NAPG: variants seen among roughly 807,000 people sequenced by gnomAD.
NAPG encodes NSF attachment protein gamma.
NAPG carries 25 observed loss-of-function variants against 48.4 expected under a neutral mutation model. The ratio of observed to expected loss-of-function variants is 0.52; its 90% CI spans 0.38 to 0.72. The LOEUF is 0.72. NAPG is among the 30% of genes least tolerant of loss of function. The pLI, the probability that NAPG is intolerant of heterozygous loss-of-function variation, is 0.00. For missense variants in NAPG, 359 were observed against 372.5 expected (o/e 0.96, Z 0.30); for synonymous variants, 139 against 127.2 (o/e 1.09, Z -0.62).
At chr18:10,530,924 C>T in intron 2 of NAPG, 87 bp downstream of exon 2, 1 of 1,070,172 alleles carries the variant, frequency 9.3e-7, no homozygotes. Context: ...TACTCATATG[C>T]TTTCTATAAG....
chr18:10,530,847 A>G lies in NAPG; in HGVS notation c.124+10A>G. 6.4e-7 allele frequency: 1 copy of G among 1,558,600 alleles called. No homozygotes were observed. The highest frequency in any genetic ancestry group is 8.7e-7 in the Non-Finnish European group (1 of 1,153,214). Reference sequence around the variant, plus strand: ...GAATATGGAAAAGCAGGTATTTTTGACTATAGTCCAGTTGCTCCAGTATGT... The same window carrying G: ...GAATATGGAAAAGCAGGTATTTTTGGCTATAGTCCAGTTGCTCCAGTATGT... On this transcript the variant is annotated intron_variant, in intron 2 of 11. Transcript: ENST00000322897.
intron 2 of NAPG, among the ~76,000 whole-genome samples, chr18:10,532,300 C>T (rs145814112): frequency 6.6e-6 from 1 of 152,212 alleles, no homozygotes; most frequent in African/African-American, 2.4e-5. Context: ...TGCTTATTGG[C>T]CCTCAGTTTC....
Position 10,544,736 on chromosome 18 carries a change from A to C in NAPG, c.507-1590A>C, listed in dbSNP as rs938515852. On this transcript the variant is annotated intron_variant, in intron 8 of 11. Coordinates refer to ENST00000322897, the MANE Select transcript of NAPG (RefSeq NM_003826.3). The surrounding 1 kb of genome is among the most constrained non-coding windows in gnomAD (Gnocchi z 5.1). ...ACCTACACTTAAAGGGGGATTATAG[A>C]GGAAATGTTTACAAGGGGCAAGAAT... Among the ~76,000 whole-genome samples, 2 of 152,194 alleles carry C rather than the reference A, an allele frequency of 1.3e-5. No individual in the cohort carries two copies. The highest frequency in any genetic ancestry group is 2.9e-5 in the Non-Finnish European group (2 of 68,032).
intron 2 of NAPG, 94 bp downstream of exon 2, chr18:10,530,931 T>A (rs509370): frequency 1.0e-6 from 1 of 992,084 alleles, no homozygotes; most frequent in Non-Finnish European, 1.4e-6. Context: ...ATGCTTTCTA[T>A]AAGGCTTTAA....
chr18:10,527,714 G>A (rs891725548), intron 1 of NAPG, among the ~76,000 whole-genome samples: 1 of 136,562 alleles, frequency 7.3e-6, no homozygotes, highest in African/African-American at 3.6e-5. Flanking sequence ...CCTGTAGTAT[G>A]TATTATACGC....
rs2032172676 is a variant in NAPG at position 10,542,289 on chromosome 18, A to G, written c.506+1890A>G. Among the ~76,000 whole-genome samples the G allele has an allele frequency of 6.6e-6, 1 of 152,238 alleles. No homozygotes were observed. The highest frequency in any genetic ancestry group is 6.5e-5 in the Admixed American group (1 of 15,296). On this transcript the variant is annotated intron_variant, in intron 8 of 11. Coordinates refer to ENST00000322897, the MANE Select transcript of NAPG (RefSeq NM_003826.3). This position sits in a 1 kb window ranked among gnomAD's most constrained non-coding sequence, Gnocchi z 4.5. ...AATGGTACTTTCTACTGTGCTCAACAAAAATGTTATGGAAATATATTTTTG... is the reference window on the plus strand; with the variant it reads ...AATGGTACTTTCTACTGTGCTCAACGAAAATGTTATGGAAATATATTTTTG...
Position 10,548,655 on chromosome 18 carries a change from G to A in NAPG, c.665+277G>A, listed in dbSNP as rs1185032260. ...TAAGAAAAAAAGAACAAGAAAAAGG[G>A]GGAAAAAATTATCAGATTTATGTTA... On this transcript the variant is annotated intron_variant, in intron 10 of 11. Transcript: ENST00000322897. This position sits in a 1 kb window ranked among gnomAD's most constrained non-coding sequence, Gnocchi z 4.4. Among the ~76,000 whole-genome samples the A allele has an allele frequency of 2.0e-5, 3 of 151,498 alleles. No individual in the cohort carries two copies. Among genetic ancestry groups the A allele is most frequent in the African/African-American group, 7.3e-5 (3 of 41,180 alleles).
At chr18:10,527,641 G>T (rs1279908451) in intron 1 of NAPG, among the ~76,000 whole-genome samples, 3 of 152,196 alleles carry the variant, frequency 2.0e-5, no homozygotes, top group Non-Finnish European at 2.9e-5. Flanking sequence ...TGTGAGCAGA[G>T]CTTGAAAAAT....
intron 1 of NAPG, among the ~76,000 whole-genome samples, chr18:10,529,149 C>T (rs886822975): frequency 2.0e-5 from 3 of 152,032 alleles, no homozygotes; most frequent in Non-Finnish European, 2.9e-5. Flanking sequence ...TGGGTCTTTC[C>T]GTGTATAGCA....
rs569040293 is a variant in NAPG at position 10,551,788 on chromosome 18, G to A, written c.*1568G>A. 2.0e-5 allele frequency: 3 copies of A among 152,264 alleles called. No individual in the cohort carries two copies. Among genetic ancestry groups the A allele is most frequent in the African/African-American group, 7.2e-5 (3 of 41,558 alleles). The allele number at this position is 152,264 out of a possible 1,614,324, so 9.4% of individuals were successfully genotyped here. ...ATCCTCCTTTGGGAGGTGGTCTCGGGTGCGTGGATGTTGGTATACAGTCTT... is the reference window on the plus strand; with the variant it reads ...ATCCTCCTTTGGGAGGTGGTCTCGGATGCGTGGATGTTGGTATACAGTCTT... On this transcript the variant is annotated 3_prime_UTR_variant, in exon 12 of 12. Transcript: ENST00000322897.
rs533874706 is a variant in NAPG, at chr18:10,550,392, C to T, written c.*172C>T. 4.1e-4 allele frequency: 238 copies of T among 579,104 alleles called. 2 individuals are homozygous for T. The South Asian group carries it at 6.6e-3, about 16-fold the overall frequency. The allele number at this position is 579,104 out of a possible 1,614,324, so 35.9% of individuals were successfully genotyped here. A position where few individuals can be genotyped will look rare whatever the true frequency, so the allele number is the denominator to read the frequency against. ...CCCAAATCACTCATTGTATCCATTA[C>T]CTGTGAAGCATATCTTTTTCTTTCC... On this transcript the variant is annotated 3_prime_UTR_variant, in exon 12 of 12. Transcript: ENST00000322897.
intron 8 of NAPG, among the ~76,000 whole-genome samples, chr18:10,541,380 C>G (rs978825600): frequency 6.6e-6 from 1 of 152,134 alleles, no homozygotes; most frequent in Non-Finnish European, 1.5e-5. Context: ...CTTTATTCAT[C>G]TTATTACTTA....
At position 10,542,741 on chromosome 18, in the gene NAPG, T is replaced by G; in HGVS notation, c.506+2342T>G. ...ATGTCCTAATTTAATACTTTCTATG[T>G]TAGTGTAGCAAAGAATCTATTTAAT... On this transcript the variant is annotated intron_variant, in intron 8 of 11. Coordinates refer to ENST00000322897, the MANE Select transcript of NAPG (RefSeq NM_003826.3). This position sits in a 1 kb window ranked among gnomAD's most constrained non-coding sequence, Gnocchi z 4.5. Among the ~76,000 whole-genome samples the G allele has an allele frequency of 6.6e-6, 1 of 152,336 alleles. No individual in the cohort carries two copies. The highest frequency in any genetic ancestry group is 1.5e-5 in the Non-Finnish European group (1 of 68,032).
rs894455532 is a variant in NAPG, at chr18:10,544,475, T to C, written c.507-1851T>C. ...AAGAGATTCCTGTTTTCTTGTTGCC[T>C]GTTCGCCAGGAACTGCTCTCAGCTT... On this transcript the variant is annotated intron_variant, in intron 8 of 11. Transcript: ENST00000322897. The surrounding 1 kb of genome is among the most constrained non-coding windows in gnomAD (Gnocchi z 5.1). Among the ~76,000 whole-genome samples, 1 of 152,232 alleles carries C rather than the reference T, an allele frequency of 6.6e-6. No homozygotes were observed. The highest frequency in any genetic ancestry group is 6.5e-5 in the Admixed American group (1 of 15,284).
intron 1 of NAPG, among the ~76,000 whole-genome samples, chr18:10,527,703 A>G (rs1398908643): frequency 6.7e-6 from 1 of 150,286 alleles, no homozygotes; most frequent in East Asian, 1.9e-4. Flanking sequence ...TCTGTGCGCA[A>G]CCTGTAGTAT....
intron 8 of NAPG, among the ~76,000 whole-genome samples, chr18:10,541,728 A>AT (rs2032162282): frequency 6.6e-6 from 1 of 152,194 alleles, no homozygotes; most frequent in Non-Finnish European, 1.5e-5. Flanking sequence ...GCCCCTTACT[A>AT]TAAGACCCCA....
At chr18:10,547,712 T>C (rs964688179) in intron 9 of NAPG, among the ~76,000 whole-genome samples, 12 of 152,134 alleles carry the variant, frequency 7.9e-5, no homozygotes, top group Admixed American at 3.9e-4. Flanking sequence ...ACCTAAACAA[T>C]AGAGACACCA....
rs1425990738 is a variant in NAPG, at chr18:10,546,950, T to G, written c.585+546T>G. 3.3e-5 allele frequency among the ~76,000 whole-genome samples: 5 copies of G among 152,054 alleles called. No individual in the cohort carries two copies. Among genetic ancestry groups the G allele is most frequent in the Admixed American group, 6.5e-5 (1 of 15,276 alleles). On this transcript the variant is annotated intron_variant, in intron 9 of 11. Coordinates refer to ENST00000322897, the MANE Select transcript of NAPG (RefSeq NM_003826.3). The surrounding 1 kb of genome is among the most constrained non-coding windows in gnomAD (Gnocchi z 4.0). ...TGATAAAACTCCACAAGGACCCCAG[T>G]CTCTTTTGCCAGAGGAACTAGGAAA...
Position 10,534,355 on chromosome 18 carries a change from G to A in NAPG, c.228-111G>A. On this transcript the variant is annotated intron_variant, in intron 4 of 11. Coordinates refer to ENST00000322897, the MANE Select transcript of NAPG (RefSeq NM_003826.3). This position sits in a 1 kb window ranked among gnomAD's most constrained non-coding sequence, Gnocchi z 5.0. The stretch of plus-strand genomic sequence containing the variant: ...AAGCCTGAAGTGATATGTTGTGCAT[G>A]AGCCCATTGTAATTGAAGTCACTTT... 1 of 774,988 alleles carries A rather than the reference G, an allele frequency of 1.3e-6. No individual in the cohort carries two copies. The highest frequency in any genetic ancestry group is 2.3e-6 in the Non-Finnish European group (1 of 441,862). 48.0% of individuals were successfully genotyped at this position (774,988 alleles called of 1,614,324 possible). A position where few individuals can be genotyped will look rare whatever the true frequency, so the allele number is the denominator to read the frequency against.
Sources: allele counts gnomAD v4.1 joint callset (sites outside exome capture counted in the v4.1 genomes callset), GRCh38; gene constraint gnomAD v4.1.1; non-coding constraint Gnocchi (gnomAD v3.1); transcripts MANE v1.5; gene names NCBI Gene and HGNC (gene_info 2026-07-23, HGNC 2026-07-21).